Variants in RGS7 observed in about 807,000 individuals in gnomAD.
RGS7 encodes regulator of G-protein signaling 7.
In RGS7, 27 loss-of-function variants were observed where a neutral mutation model predicts 81.1. That is an observed-to-expected ratio of 0.33 (90% CI 0.25 to 0.46). RGS7 has a LOEUF of 0.46. Ranked by LOEUF, RGS7 falls within the 20% of genes least tolerant of loss-of-function variation. The pLI is 1.00. For missense variants in RGS7, 396 were observed against 607.4 expected (o/e 0.65, Z 3.66); for synonymous variants, 208 against 207.7 (o/e 1.00, Z -0.01).
intron 4 of RGS7, among the ~76,000 whole-genome samples, chr1:240,963,860 T>A (rs1253028497): frequency 1.3e-5 from 2 of 152,018 alleles, no homozygotes; most frequent in Non-Finnish European, 2.9e-5. Flanking sequence ...AATATAAGAA[T>A]GAAATGTTGG....
At chr1:241,310,727 C>A (rs2080479675) in intron 2 of RGS7, among the ~76,000 whole-genome samples, 2 of 152,052 alleles carry the variant, frequency 1.3e-5, no homozygotes, top group Admixed American at 6.5e-5. Flanking sequence ...GCTTCTCTTA[C>A]CCAATTCAGA....
chr1:240,999,710 C>T (rs1687842782), intron 3 of RGS7, among the ~76,000 whole-genome samples: 1 of 151,988 alleles, frequency 6.6e-6, no homozygotes, highest in African/African-American at 2.4e-5. Flanking sequence ...AAATGATTCT[C>T]GTGTCTCAGC....
chr1:241,256,706 G>A (rs1025048307), intron 2 of RGS7, among the ~76,000 whole-genome samples: 1 of 152,118 alleles, frequency 6.6e-6, no homozygotes. Context: ...CACAGGGAGT[G>A]AGAACAAGGT....
chr1:241,265,352 C>A lies in RGS7; in HGVS notation c.78+90347G>T, dbSNP rs1047842452. Among the ~76,000 whole-genome samples, 30 of 152,238 alleles carry A rather than the reference C, an allele frequency of 2.0e-4. 1 individual carries two copies. Among genetic ancestry groups the A allele is most frequent in the Non-Finnish European group, 5.9e-5 (4 of 68,048 alleles). ...CAAACTTGTTCATGGGTCAACTTGA[C>A]ACACGCAGTTGATTCTGAGTATATA... On this transcript the variant is annotated intron_variant, in intron 2 of 18. Transcript: ENST00000440928.
intron 18 of RGS7, among the ~76,000 whole-genome samples, chr1:240,787,081 C>A (rs953032273): frequency 2.0e-5 from 3 of 152,010 alleles, no homozygotes; most frequent in Non-Finnish European, 2.9e-5. Flanking sequence ...ATTTTCTTAA[C>A]CCCTTTCTGA....
intron 18 of RGS7, among the ~76,000 whole-genome samples, chr1:240,799,200 G>A (rs901097225): frequency 6.6e-6 from 1 of 151,622 alleles, no homozygotes; most frequent in Non-Finnish European, 1.5e-5. Context: ...TTATTTTCCT[G>A]GATGGAAAAG....
At chr1:241,343,514 CAT>C (rs1191624997) in intron 2 of RGS7, among the ~76,000 whole-genome samples, 1 of 152,162 alleles carries the variant, frequency 6.6e-6, no homozygotes, top group Non-Finnish European at 1.5e-5. Flanking sequence ...AATTCTGGCA[CAT>C]GTTACAACAT....
chr1:240,999,829 T>C lies in RGS7; in HGVS notation c.176-16700A>G, dbSNP rs532599472. Among the ~76,000 whole-genome samples, 343 of 152,210 alleles carry C rather than the reference T, an allele frequency of 2.3e-3. 2 individuals are homozygous for C. The highest frequency in any genetic ancestry group is 7.9e-3 in the African/African-American group (329 of 41,516). ...TGTCGGCCAGGCTGTTCCCAAACTC[T>C]TGGCCTCAAACAATCCACCCACCTC... On this transcript the variant is annotated intron_variant, in intron 3 of 18. Coordinates refer to ENST00000440928, the MANE Select transcript of RGS7 (RefSeq NM_001364886.1).
At chr1:241,010,294 C>T (rs940079101) in intron 3 of RGS7, among the ~76,000 whole-genome samples, 1 of 152,176 alleles carries the variant, frequency 6.6e-6, no homozygotes, top group Non-Finnish European at 1.5e-5. Flanking sequence ...GATCATGGTA[C>T]CAGTCCACAG....
intron 2 of RGS7, among the ~76,000 whole-genome samples, chr1:241,138,177 CA>C (rs57697166): frequency 0.49 from 56,359 of 116,082 alleles, 10,559 homozygotes; most frequent in East Asian, 0.59. Context: ...ATCTCAAAAA[CA>C]AAAAAAAAAA....
At chr1:240,846,498 T>G (rs1659108013) in intron 9 of RGS7, among the ~76,000 whole-genome samples, 1 of 152,190 alleles carries the variant, frequency 6.6e-6, no homozygotes. Flanking sequence ...CAGCAGCATC[T>G]GCATAGGTCA....
rs12126639 is a variant in RGS7, at chr1:241,008,362, G to T, written c.176-25233C>A. On this transcript the variant is annotated intron_variant, in intron 3 of 18. Coordinates refer to ENST00000440928, the MANE Select transcript of RGS7 (RefSeq NM_001364886.1). ...ATGAACTTCTCACATTTCAATGTGC[G>T]TATAAATCACGTTGTTAAAATCTTG... 7.5e-3 allele frequency among the ~76,000 whole-genome samples: 1,142 copies of T among 152,230 alleles called. 21 individuals are homozygous for T. The East Asian group carries it at 0.083, about 11-fold the overall frequency.
intron 3 of RGS7, among the ~76,000 whole-genome samples, chr1:241,034,665 A>G (rs2060242499): frequency 1.3e-5 from 2 of 152,230 alleles, no homozygotes; most frequent in Admixed American, 1.3e-4. Context: ...ACAGAATGCA[A>G]GTAGATTTAT....
At position 240,973,017 on chromosome 1, in the gene RGS7, C is replaced by T. The variant is rs538977278; in HGVS notation, c.226+10062G>A. Reference sequence around the variant, plus strand: ...CGGGCCGTGATTGTGCCACTGCACTCCAGCCTGGACAACAGGAGAAAGACT... The same window carrying T: ...CGGGCCGTGATTGTGCCACTGCACTTCAGCCTGGACAACAGGAGAAAGACT... On this transcript the variant is annotated intron_variant, in intron 4 of 18. Transcript: ENST00000440928. Among the ~76,000 whole-genome samples, 3 of 151,030 alleles carry T rather than the reference C, an allele frequency of 2.0e-5. No individual in the cohort carries two copies. The East Asian group carries it at 5.8e-4, about 29-fold the overall frequency.
At position 241,287,565 on chromosome 1, in the gene RGS7, T is replaced by TA. The variant is rs2078883725; in HGVS notation, c.78+68133dup. ...CCTTTATAAATTACCCAGCCTCAGG[T>TA]ATGTCTTTATTAGCAGTGTGAAAAC... On this transcript the variant is annotated intron_variant, in intron 2 of 18. Coordinates refer to ENST00000440928, the MANE Select transcript of RGS7 (RefSeq NM_001364886.1). Among the ~76,000 whole-genome samples, 3 of 152,280 alleles carry TA rather than the reference T, an allele frequency of 2.0e-5. No individual in the cohort carries two copies. In the South Asian group the frequency reaches 6.2e-4, roughly 32 times the overall value.
intron 6 of RGS7, among the ~76,000 whole-genome samples, chr1:240,890,201 G>T (rs1056757678): frequency 6.6e-6 from 1 of 152,134 alleles, no homozygotes; most frequent in Admixed American, 6.5e-5. Flanking sequence ...TCACCAGGCT[G>T]GAGGGCAGTG....
At chr1:241,221,006 A>AAAGGAAGGAAGGAAGGAAGGAAGGAAGG (rs58113561) in intron 2 of RGS7, among the ~76,000 whole-genome samples, 3 of 84,550 alleles carry the variant, frequency 3.5e-5, no homozygotes, top group African/African-American at 1.2e-4. Context: ...AGAGAGAGAG[A>AAAGGAAGGAAGGAAGGAAGGAAGGAAGG]AAGGAAGGAA....
chr1:240,936,546 A>C, intron 5 of RGS7, 54 bp downstream of exon 5: 1 of 1,369,294 alleles, frequency 7.3e-7, no homozygotes, highest in Non-Finnish European at 1.0e-6. Context: ...CCTAACTAAC[A>C]AACGAAATGC....
At chr1:241,286,256 G>A (rs1182456812) in intron 2 of RGS7, among the ~76,000 whole-genome samples, 1 of 152,122 alleles carries the variant, frequency 6.6e-6, no homozygotes, top group African/African-American at 2.4e-5. Context: ...CCATTTTGCT[G>A]GTGATAAGAG....
Sources: allele counts gnomAD v4.1 joint callset (sites outside exome capture counted in the v4.1 genomes callset), GRCh38; gene constraint gnomAD v4.1.1; transcripts MANE v1.5; gene names NCBI Gene and HGNC (gene_info 2026-07-23, HGNC 2026-07-21).